APOOL: variants seen among roughly 807,000 people sequenced by gnomAD.
The protein encoded by APOOL is apolipoprotein O like.
Under a neutral mutation model 23.1 loss-of-function variants are expected in APOOL, and 12 were observed. The observed-to-expected ratio is 0.52, with a 90% CI of 0.33 to 0.84. APOOL has a LOEUF of 0.84. APOOL is among the 40% of genes least tolerant of loss of function. APOOL has a pLI of 0.02. For synonymous variants in APOOL, 77 were observed against 69.9 expected (o/e 1.10, Z -0.51); for missense variants, 212 against 199.6 (o/e 1.06, Z -0.37).
intron 2 of APOOL, 136 bp from the exon 3 acceptor site, chrX:85,051,253 G>T (rs1602766663): frequency 1.4e-6 from 1 of 712,427 alleles, no homozygotes; most frequent in Non-Finnish European, 2.0e-6. Context: ...ATTTAAGATG[G>T]TTTTTTAAAA....
chrX:85,079,507 G>A (rs1174509928), intron 8 of APOOL, among the ~76,000 whole-genome samples: 5 of 111,330 alleles, frequency 4.5e-5, no homozygotes, highest in African/African-American at 1.6e-4. Context: ...TTTTATTGAG[G>A]ATTTTCACAT....
At chrX:85,086,605 C>G (rs890210755) in intron 8 of APOOL, among the ~76,000 whole-genome samples, 1 of 111,960 alleles carries the variant, frequency 8.9e-6, no homozygotes, top group African/African-American at 3.2e-5. Flanking sequence ...AACTAAAGCC[C>G]TCAGCATGTC....
At chrX:85,015,396 A>G (rs1223189813) in intron 1 of APOOL, among the ~76,000 whole-genome samples, 1 of 109,333 alleles carries the variant, frequency 9.1e-6, no homozygotes, top group African/African-American at 3.3e-5. Context: ...GTGTTATAGA[A>G]CCCTGTATTG....
At chrX:85,087,512 G>C (rs934494150) in intron 8 of APOOL, 78 bp from the exon 9 acceptor site, 8 of 876,745 alleles carry the variant, frequency 9.1e-6, no homozygotes, top group Non-Finnish European at 1.3e-5. Context: ...TATCTGGTTT[G>C]TTCGCTGCTG....
At chrX:85,018,314 G>C (rs1921546421) in intron 1 of APOOL, among the ~76,000 whole-genome samples, 1 of 111,853 alleles carries the variant, frequency 8.9e-6, no homozygotes, top group Admixed American at 9.5e-5. Context: ...TGAGGAGCCA[G>C]TATGTCATAT....
intron 1 of APOOL, among the ~76,000 whole-genome samples, chrX:85,045,851 G>A (rs1818621255): frequency 9.0e-6 from 1 of 111,573 alleles, no homozygotes; most frequent in Admixed American, 9.6e-5. Flanking sequence ...CATTTTTTAT[G>A]GATAATGTTA....
chrX:85,004,997 C>T (rs1279944402), intron 1 of APOOL, among the ~76,000 whole-genome samples: 1 of 110,301 alleles, frequency 9.1e-6, no homozygotes, highest in African/African-American at 3.3e-5. Context: ...TTTCTCTGGG[C>T]CTAAAGTGCC....
Position 85,091,256 on chromosome X carries a change from TA to T in APOOL, c.*3581del, listed in dbSNP as rs1271515810. On this transcript the variant is annotated 3_prime_UTR_variant, in exon 9 of 9. Coordinates refer to ENST00000373173, the MANE Select transcript of APOOL (RefSeq NM_198450.6). ...AAGAACAAAACTCAGTCTCAAAAAA[TA>T]AATAATAAAAAATAAAGGTATATAA... 7 of 111,848 alleles carry T rather than the reference TA, an allele frequency of 6.3e-5. No individual in the cohort carries two copies. The highest frequency in any genetic ancestry group is 2.3e-4 in the African/African-American group (7 of 30,803). 9.2% of individuals were successfully genotyped at this position (111,848 alleles called of 1,213,427 possible). A position where few individuals can be genotyped will look rare whatever the true frequency, so the allele number is the denominator to read the frequency against.
rs758782072 is a variant in APOOL at position 85,015,935 on chromosome X, G to A, written c.15+12008G>A. Among the ~76,000 whole-genome samples the A allele has an allele frequency of 3.3e-4, 36 of 110,291 alleles. 1 individual carries two copies. The highest frequency in any genetic ancestry group is 1.1e-3 in the African/African-American group (33 of 30,379). On this transcript the variant is annotated intron_variant, in intron 1 of 8. Transcript: ENST00000373173. ...TTGTAGGGGTGAAGACTCTGTATGA[G>A]ATCCTTAGTTATAAAGAGAGCCTTT... is the stretch of plus-strand genomic sequence containing the variant.
chrX:85,061,412 G>T (rs933032483), intron 5 of APOOL, among the ~76,000 whole-genome samples: 3 of 111,690 alleles, frequency 2.7e-5, no homozygotes, highest in East Asian at 5.7e-4. Flanking sequence ...AGTTAGGGAG[G>T]ACTCCCTCTT....
chrX:85,081,905 G>T (rs1924115567), intron 8 of APOOL, among the ~76,000 whole-genome samples: 1 of 111,932 alleles, frequency 8.9e-6, no homozygotes, highest in Non-Finnish European at 1.9e-5. Flanking sequence ...GCTTGTGCAT[G>T]AGTCATGTAG....
intron 6 of APOOL, among the ~76,000 whole-genome samples, chrX:85,073,757 T>C (rs144907313): frequency 0.034 from 3,761 of 110,800 alleles, 116 homozygotes; most frequent in South Asian, 0.22. Context: ...AAAATAGACA[T>C]AGTTTTAAAT....
rs1317352980 is a variant in APOOL at position 85,088,482 on chromosome X, A to G, written c.*804A>G. On this transcript the variant is annotated 3_prime_UTR_variant, in exon 9 of 9. Transcript: ENST00000373173. ...CCTATTTGAGAGGGCCATATGCTACACAGGCTTCCTAATACTGCTTAGCAA... is the reference window on the plus strand; with the variant it reads ...CCTATTTGAGAGGGCCATATGCTACGCAGGCTTCCTAATACTGCTTAGCAA... The G allele has an allele frequency of 7.4e-5, 8 of 107,433 alleles. No individual in the cohort carries two copies. The highest frequency in any genetic ancestry group is 2.4e-4 in the African/African-American group (7 of 29,583). 8.9% of individuals were successfully genotyped at this position (107,433 alleles called of 1,213,427 possible).
chrX:85,048,393 A>C (rs1231736893), intron 2 of APOOL, among the ~76,000 whole-genome samples: 2 of 111,570 alleles, frequency 1.8e-5, no homozygotes, highest in Non-Finnish European at 3.8e-5. Flanking sequence ...TAAATCCCTA[A>C]TGGCTGAATT....
intron 8 of APOOL, among the ~76,000 whole-genome samples, chrX:85,076,678 C>T (rs1035201000): frequency 5.4e-5 from 6 of 110,376 alleles, no homozygotes; most frequent in African/African-American, 2.0e-4. Flanking sequence ...AAGTCACTTA[C>T]CTAGTGAGCC....
At position 85,088,316 on chromosome X, in the gene APOOL, G is replaced by GTTTTTTTTTTTTTTTTTTTTTTTTTTTTT. The variant is rs766497759; in HGVS notation, c.*639_*667dup. ...TGTATGGAAAGGTGTGTTTCCCTCT[G>GTTTTTTTTTTTTTTTTTTTTTTTTTTTTT]TTTTTTTTTTTTTTTTTTTTTTTTT... On this transcript the variant is annotated 3_prime_UTR_variant, in exon 9 of 9. Coordinates refer to ENST00000373173, the MANE Select transcript of APOOL (RefSeq NM_198450.6). 4.4e-5 allele frequency: 1 copy of GTTTTTTTTTTTTTTTTTTTTTTTTTTTTT among 22,533 alleles called. No individual in the cohort carries two copies. Among genetic ancestry groups the GTTTTTTTTTTTTTTTTTTTTTTTTTTTTT allele is most frequent in the Non-Finnish European group, 7.9e-5 (1 of 12,648 alleles). The allele number at this position is 22,533 out of a possible 1,213,427, so 1.9% of individuals were successfully genotyped here. A position where few individuals can be genotyped will look rare whatever the true frequency, so the allele number is the denominator to read the frequency against.
rs377504723 is a variant in APOOL, at chrX:85,025,612, T to C, written c.16-20834T>C. On this transcript the variant is annotated intron_variant, in intron 1 of 8. Coordinates refer to ENST00000373173, the MANE Select transcript of APOOL (RefSeq NM_198450.6). ...ACATTCTCTTTCCAAAAGGGAGAAA[T>C]CAGCTAAAATAAATGGGCTACATGC... is the stretch of plus-strand genomic sequence containing the variant. 1.3e-4 allele frequency among the ~76,000 whole-genome samples: 15 copies of C among 112,303 alleles called. No homozygotes were observed. In the East Asian group the frequency reaches 2.5e-3, roughly 19 times the overall value.
intron 8 of APOOL, among the ~76,000 whole-genome samples, chrX:85,077,316 T>C (rs1741351869): frequency 9.3e-6 from 1 of 107,357 alleles, no homozygotes; most frequent in Non-Finnish European, 1.9e-5. Context: ...GTACAAGTGT[T>C]CTCATTGTTC....
chrX:85,013,881 G>T (rs1260127111), intron 1 of APOOL, among the ~76,000 whole-genome samples: 1 of 111,424 alleles, frequency 9.0e-6, no homozygotes, highest in Non-Finnish European at 1.9e-5. Flanking sequence ...TTGACTTTCT[G>T]TCTTGATGAC....
Sources: gnomAD v4.1 joint callset for allele counts (sites outside exome capture counted in the v4.1 genomes callset) on GRCh38, gnomAD v4.1.1 for gene constraint, MANE v1.5 for transcripts, NCBI Gene and HGNC (gene_info 2026-07-23, HGNC 2026-07-21) for gene names.